TMEM132B: variants seen among roughly 807,000 people sequenced by gnomAD.
TMEM132B encodes transmembrane protein 132B.
Under a neutral mutation model 90.8 loss-of-function variants are expected in TMEM132B, and 18 were observed. The observed-to-expected ratio is 0.20, with a 90% CI of 0.14 to 0.29. The LOEUF (loss-of-function observed/expected upper bound fraction) is 0.29. Ranked by LOEUF, TMEM132B falls within the 10% of genes least tolerant of loss-of-function variation. TMEM132B has a pLI of 1.00. For synonymous variants in TMEM132B, 504 were observed against 523.3 expected, an observed-to-expected ratio of 0.96 and a Z score of 0.50; for missense variants, 1,096 against 1,326.8, an observed-to-expected ratio of 0.83 and a Z score of 2.70.
chr12:125,614,569 T>C (rs1219955128), intron 5 of TMEM132B, among the ~76,000 whole-genome samples: 1 of 152,180 alleles, frequency 6.6e-6, no homozygotes, highest in African/African-American at 2.4e-5. Context: ...AGTACAGCAG[T>C]GAACATATGA....
At chr12:125,605,135 G>A (rs192307238) in intron 5 of TMEM132B, among the ~76,000 whole-genome samples, 1 of 152,306 alleles carries the variant, frequency 6.6e-6, no homozygotes, top group South Asian at 2.1e-4. Flanking sequence ...TTTGAAAATC[G>A]TGTTCACTTA....
intron 2 of TMEM132B, among the ~76,000 whole-genome samples, chr12:125,411,053 GTGGAGTGGAGT>G (rs1879799728): frequency 1.7e-4 from 1 of 6,052 alleles, no homozygotes; most frequent in African/African-American, 1.3e-3. Flanking sequence ...GTGGAGTGGA[GTGGAGTGGAGT>G]GAGTGGAGTG....
At position 125,239,411 on chromosome 12, in the gene TMEM132B, C is replaced by G. The variant is rs151333423; in HGVS notation, c.67+52545C>G. Reference sequence around the variant, plus strand: ...AAGAAAAAAAATTCCCATTTGGTTTCTATAAAGGAAAAGTTTAGGGTTTCT... The same window carrying G: ...AAGAAAAAAAATTCCCATTTGGTTTGTATAAAGGAAAAGTTTAGGGTTTCT... On this transcript the variant is annotated intron_variant, in intron 1 of 8. Transcript: ENST00000682704. Among the ~76,000 whole-genome samples the G allele has an allele frequency of 2.0e-4, 31 of 152,234 alleles. No homozygotes were observed. The East Asian group carries it at 4.4e-3, about 22-fold the overall frequency.
At chr12:125,634,871 C>T (rs1295003771) in intron 5 of TMEM132B, among the ~76,000 whole-genome samples, 1 of 152,138 alleles carries the variant, frequency 6.6e-6, no homozygotes, top group South Asian at 2.1e-4. Flanking sequence ...GTACTGTAAG[C>T]TGTACAGCCT....
intron 1 of TMEM132B, among the ~76,000 whole-genome samples, chr12:125,240,782 AGT>A (rs1874045570): frequency 6.6e-6 from 1 of 152,192 alleles, no homozygotes; most frequent in African/African-American, 2.4e-5. Flanking sequence ...AGCTCACTGC[AGT>A]GTGTGATTAC....
At chr12:125,345,493 C>T (rs991391219) in intron 1 of TMEM132B, among the ~76,000 whole-genome samples, 1 of 152,214 alleles carries the variant, frequency 6.6e-6, no homozygotes, top group African/African-American at 2.4e-5. Context: ...GTTTGGGTCA[C>T]AGGTTCCCTG....
At chr12:125,599,478 T>G (rs1176256897) in intron 5 of TMEM132B, among the ~76,000 whole-genome samples, 1 of 152,180 alleles carries the variant, frequency 6.6e-6, no homozygotes, top group Non-Finnish European at 1.5e-5. Context: ...CAGCTTAACA[T>G]AAATCTGACT....
Position 125,445,774 on chromosome 12 carries a change from C to G in TMEM132B, c.1106+30097C>G, listed in dbSNP as rs186378342. On this transcript the variant is annotated intron_variant, in intron 3 of 8. Transcript: ENST00000682704. This position sits in a 1 kb window ranked among gnomAD's most constrained non-coding sequence, Gnocchi z 4.3. ...CTCTGCTTACCCCACCAGCCTGCAC[C>G]GCGGAGAGTTGGCTCCTTTGACTTG... 1.3e-5 allele frequency among the ~76,000 whole-genome samples: 2 copies of G among 152,176 alleles called. No individual in the cohort carries two copies. Among genetic ancestry groups the G allele is most frequent in the Admixed American group, 6.5e-5 (1 of 15,288 alleles).
chr12:125,226,801 T>G (rs1273423158), intron 1 of TMEM132B, among the ~76,000 whole-genome samples: 3 of 152,160 alleles, frequency 2.0e-5, no homozygotes, highest in Admixed American at 2.0e-4. Context: ...ATGCCGGCAC[T>G]GGGGGGAAAA....
chr12:125,423,464 T>C (rs1238213805), intron 3 of TMEM132B, among the ~76,000 whole-genome samples: 1 of 152,152 alleles, frequency 6.6e-6, no homozygotes, highest in African/African-American at 2.4e-5. Context: ...AACAGAGTCC[T>C]ATAAGAAATG....
chr12:125,548,402 T>TA (rs1411939462), intron 4 of TMEM132B, among the ~76,000 whole-genome samples: 1 of 152,216 alleles, frequency 6.6e-6, no homozygotes, highest in Admixed American at 6.5e-5. Flanking sequence ...TACTTTTTTT[T>TA]ATTAAAAAAT....
intron 1 of TMEM132B, among the ~76,000 whole-genome samples, chr12:125,217,818 T>C (rs757920543): frequency 4.6e-5 from 7 of 152,194 alleles, no homozygotes; most frequent in Non-Finnish European, 1.0e-4. Context: ...GTCCATGCCT[T>C]GAACCCAGCA....
In TMEM132B at chr12:125,589,309, T is replaced by C. The variant is rs191169683; in HGVS notation, c.1437+5315T>C. 7.9e-3 allele frequency among the ~76,000 whole-genome samples: 1,201 copies of C among 151,910 alleles called. 10 individuals carry two copies. The highest frequency in any genetic ancestry group is 0.021 in the South Asian group (102 of 4,808). ...CATCCTGGCTAACACGGTGAAACCCTGTCTCTACTAAAAATACAAAAAATT... is the reference window on the plus strand; with the variant it reads ...CATCCTGGCTAACACGGTGAAACCCCGTCTCTACTAAAAATACAAAAAATT... On this transcript the variant is annotated intron_variant, in intron 5 of 8. Transcript: ENST00000682704.
At chr12:125,224,100 T>C (rs986691885) in intron 1 of TMEM132B, among the ~76,000 whole-genome samples, 1 of 152,248 alleles carries the variant, frequency 6.6e-6, no homozygotes, top group Non-Finnish European at 1.5e-5. Flanking sequence ...TTCAACCCCA[T>C]TGGAGTATGT....
intron 2 of TMEM132B, among the ~76,000 whole-genome samples, chr12:125,363,830 T>C (rs1426503990): frequency 1.3e-5 from 2 of 152,162 alleles, no homozygotes; most frequent in African/African-American, 4.8e-5. Context: ...CTCACTACTA[T>C]GCTAGGCTCA....
intron 3 of TMEM132B, among the ~76,000 whole-genome samples, chr12:125,447,937 G>A (rs1881048400): frequency 6.6e-6 from 1 of 152,046 alleles, no homozygotes; most frequent in African/African-American, 2.4e-5. Flanking sequence ...ATATTTTGAG[G>A]TATAATTTAG....
chr12:125,295,675 T>C (rs1875656675), intron 1 of TMEM132B, among the ~76,000 whole-genome samples: 1 of 152,260 alleles, frequency 6.6e-6, no homozygotes, highest in South Asian at 2.1e-4. Context: ...AAATCACAGA[T>C]GTTGCCCAAA....
intron 1 of TMEM132B, among the ~76,000 whole-genome samples, chr12:125,282,923 T>C (rs1023707639): frequency 6.6e-6 from 1 of 152,172 alleles, no homozygotes; most frequent in Admixed American, 6.5e-5. Flanking sequence ...TCCTTATATC[T>C]TTCTTTGGGA....
rs146479281 is a variant in TMEM132B at position 125,486,617 on chromosome 12, A to G, written c.1107-32822A>G. On this transcript the variant is annotated intron_variant, in intron 3 of 8. Transcript: ENST00000682704. Reference sequence around the variant, plus strand: ...GAAGGCCTGCAAGGCTGTGACAATTACTTCTGGCCCACCCCCCGGAAAATT... The same window carrying G: ...GAAGGCCTGCAAGGCTGTGACAATTGCTTCTGGCCCACCCCCCGGAAAATT... Among the ~76,000 whole-genome samples the G allele has an allele frequency of 2.7e-4, 41 of 152,308 alleles. No individual in the cohort carries two copies. In the East Asian group the frequency reaches 6.8e-3, roughly 25 times the overall value.
Sources: allele counts gnomAD v4.1 joint callset (sites outside exome capture counted in the v4.1 genomes callset), GRCh38; gene constraint gnomAD v4.1.1; non-coding constraint Gnocchi (gnomAD v3.1); transcripts MANE v1.5; gene names NCBI Gene and HGNC (gene_info 2026-07-23, HGNC 2026-07-21).